The following PPARGC1A variants were observed in gnomAD, a reference collection of about 807,000 sequenced individuals.
PPARGC1A encodes peroxisome proliferator-activated receptor gamma coactivator 1-alpha.
In PPARGC1A, 25 loss-of-function variants were observed where a neutral mutation model predicts 88.7. The observed-to-expected ratio is 0.28, with a 90% CI of 0.21 to 0.39. PPARGC1A has a LOEUF of 0.39. Among genes scored for constraint, PPARGC1A ranks in the 10% least tolerant of loss-of-function variants. The pLI is 1.00. For synonymous variants in PPARGC1A, 363 were observed against 355.6 expected, an observed-to-expected ratio of 1.02 and a Z score of -0.24; for missense variants, 880 against 968.7, an observed-to-expected ratio of 0.91 and a Z score of 1.22.
At chr4:24,393,117 G>T in the PPARGC1A span, among the ~76,000 whole-genome samples, 1 of 151,818 alleles carries the variant, frequency 6.6e-6, no homozygotes, top group African/African-American at 2.4e-5. Flanking sequence ...GGTTTCTGAT[G>T]ATTCTACAAA....
the PPARGC1A span, among the ~76,000 whole-genome samples, chr4:24,188,837 T>C: frequency 2.0e-5 from 3 of 152,116 alleles, no homozygotes; most frequent in Non-Finnish European, 4.4e-5. Flanking sequence ...AAAATATATT[T>C]ATACACCCCT....
the PPARGC1A span, among the ~76,000 whole-genome samples, chr4:24,028,188 T>A: frequency 6.6e-6 from 1 of 152,206 alleles, no homozygotes; most frequent in Non-Finnish European, 1.5e-5. Flanking sequence ...TAAGCCTTAT[T>A]TTTGGCCATT....
At chr4:24,406,927 G>A in the PPARGC1A span, among the ~76,000 whole-genome samples, 1 of 152,340 alleles carries the variant, frequency 6.6e-6, no homozygotes, top group East Asian at 1.9e-4. Flanking sequence ...CCTGCTACCA[G>A]GGCCCCTCAG....
chr4:23,972,094 A>G, the PPARGC1A span, among the ~76,000 whole-genome samples: 1 of 152,214 alleles, frequency 6.6e-6, no homozygotes, highest in Non-Finnish European at 1.5e-5. Context: ...GAAGAAATTC[A>G]TCTTCCCCAA....
At chr4:24,337,053 G>A in the PPARGC1A span, among the ~76,000 whole-genome samples, 1 of 152,178 alleles carries the variant, frequency 6.6e-6, no homozygotes, top group Non-Finnish European at 1.5e-5. Flanking sequence ...ATGCTTTTAA[G>A]GCTCTGTAAA....
At chr4:24,042,353 C>T in the PPARGC1A span, among the ~76,000 whole-genome samples, 1 of 152,186 alleles carries the variant, frequency 6.6e-6, no homozygotes, top group African/African-American at 2.4e-5. Context: ...GTCATCCTCT[C>T]TGCCTAAATG....
the PPARGC1A span, among the ~76,000 whole-genome samples, chr4:24,201,971 A>G: frequency 5.3e-5 from 8 of 150,822 alleles, no homozygotes; most frequent in East Asian, 1.6e-3. Flanking sequence ...GCGCGATCTC[A>G]GCTCACTGCA....
chr4:24,039,266 A>G, the PPARGC1A span, among the ~76,000 whole-genome samples: 1 of 152,152 alleles, frequency 6.6e-6, no homozygotes, highest in African/African-American at 2.4e-5. Flanking sequence ...ATAAATTAAG[A>G]AGCTATACTT....
At chr4:24,053,062 A>C in the PPARGC1A span, among the ~76,000 whole-genome samples, 1 of 150,742 alleles carries the variant, frequency 6.6e-6, no homozygotes, top group East Asian at 2.0e-4. Flanking sequence ...TAGTAGAGAC[A>C]GGGTTTTACC....
chr4:24,384,596 G>T, the PPARGC1A span, among the ~76,000 whole-genome samples: 1 of 144,006 alleles, frequency 6.9e-6, no homozygotes, highest in Non-Finnish European at 1.5e-5. Context: ...TGCAATCCTA[G>T]TCTCTGATAA....
At chr4:24,130,793 G>A in the PPARGC1A span, among the ~76,000 whole-genome samples, 11 of 152,004 alleles carry the variant, frequency 7.2e-5, no homozygotes, top group East Asian at 1.9e-4. Context: ...CTGAAGACCC[G>A]TCAGCAGCCA....
At chr4:24,344,893 G>T in the PPARGC1A span, among the ~76,000 whole-genome samples, 28,247 of 152,066 alleles carry the variant, frequency 0.19, 2,744 homozygotes, top group South Asian at 0.23. Flanking sequence ...TCAGGTTTTA[G>T]GTTTAAGTTG....
the PPARGC1A span, among the ~76,000 whole-genome samples, chr4:24,383,889 C>T: frequency 6.6e-6 from 1 of 152,132 alleles, no homozygotes; most frequent in Non-Finnish European, 1.5e-5. Flanking sequence ...CACAAAGATA[C>T]TTCTCGAGAA....
chr4:24,245,083 T>C, the PPARGC1A span, among the ~76,000 whole-genome samples: 3 of 152,134 alleles, frequency 2.0e-5, no homozygotes, highest in African/African-American at 7.2e-5. Context: ...CAATCTGCAG[T>C]GTTCAACAGC....
the PPARGC1A span, among the ~76,000 whole-genome samples, chr4:24,401,884 C>T: frequency 2.0e-5 from 3 of 152,198 alleles, no homozygotes; most frequent in Non-Finnish European, 4.4e-5. Flanking sequence ...CTATTATTTA[C>T]TTTACAGATG....
At chr4:24,451,067 A>T in the PPARGC1A span, among the ~76,000 whole-genome samples, 1 of 152,256 alleles carries the variant, frequency 6.6e-6, no homozygotes, top group African/African-American at 2.4e-5. Flanking sequence ...AAGTTAACAA[A>T]GCTGAGATAA....
the PPARGC1A span, among the ~76,000 whole-genome samples, chr4:24,424,786 A>G: frequency 1.3e-5 from 2 of 152,230 alleles, no homozygotes; most frequent in African/African-American, 4.8e-5. Flanking sequence ...TGAAAAATCT[A>G]TATAATGTGT....
At chr4:23,877,533 A>G (rs13108876) in intron 2 of PPARGC1A, among the ~76,000 whole-genome samples, 1 of 81,888 alleles carries the variant, frequency 1.2e-5, no homozygotes, top group African/African-American at 5.0e-5. Flanking sequence ...GCGAGACTCC[A>G]TCTCAAAAAA....
chr4:24,315,825 C>T, the PPARGC1A span, among the ~76,000 whole-genome samples: 3 of 152,144 alleles, frequency 2.0e-5, no homozygotes, highest in Admixed American at 1.3e-4. Context: ...TTCTAAGGCT[C>T]GCATCATTTG....
Sources: allele counts gnomAD v4.1 joint callset (sites outside exome capture counted in the v4.1 genomes callset), GRCh38; gene constraint gnomAD v4.1.1; transcripts MANE v1.5; gene names NCBI Gene and HGNC (gene_info 2026-07-23, HGNC 2026-07-21).